SNRNP200: variants seen among roughly 807,000 people sequenced by gnomAD.
SNRNP200 encodes the protein small nuclear ribonucleoprotein U5 subunit 200.
In SNRNP200, 66 loss-of-function variants were observed where a neutral mutation model predicts 255.2. The observed-to-expected ratio is 0.26, with a 90% CI of 0.21 to 0.32. The LOEUF (loss-of-function observed/expected upper bound fraction) is 0.32. Ranked by LOEUF, SNRNP200 falls within the 10% of genes least tolerant of loss-of-function variation. The probability of loss-of-function intolerance (pLI) is 1.00; values close to 1 mark genes in which losing one functional copy is unlikely to be tolerated. For synonymous variants in SNRNP200, 939 were observed against 1,027.8 expected (o/e 0.91, Z 1.65); for missense variants, 1,585 against 2,749.8 (o/e 0.58, Z 9.47).
Position 96,293,415 on chromosome 2 carries a change from A to C in SNRNP200, c.1937T>G (p.Val646Gly). Residue 646 changes from valine (V) to glycine (G), a missense_variant, in exon 15 of 45, where the codon GTC (valine) becomes GGC (glycine). Transcript: ENST00000323853. Reference sequence around the variant, plus strand: ...GGTGGCACTGAGACCAATGAGTCGGACATCCTCTTGGGTCATCTCAATGTT... The same window carrying C: ...GGTGGCACTGAGACCAATGAGTCGGCCATCCTCTTGGGTCATCTCAATGTT... Reference protein sequence around the residue: ...IRNIEMTQEDVRLIGLSATLP... With the variant: ...IRNIEMTQEDGRLIGLSATLP... 1 of 1,613,790 alleles carries C rather than the reference A, an allele frequency of 6.2e-7. No individual in the cohort carries two copies. Among genetic ancestry groups the C allele is most frequent in the Non-Finnish European group, 8.5e-7 (1 of 1,179,952 alleles).
At chr2:96,281,790 A>G in intron 35 of SNRNP200, 24 bp downstream of exon 35, 1 of 1,515,164 alleles carries the variant, frequency 6.6e-7, no homozygotes, top group Non-Finnish European at 9.2e-7. Context: ...GTCTGTGCTA[A>G]CACAGAGCAC....
chr2:96,279,326 A>G, intron 36 of SNRNP200, 125 bp downstream of exon 36: 2 of 769,098 alleles, frequency 2.6e-6, no homozygotes, highest in Non-Finnish European at 4.5e-6. Context: ...GTCACAAAAG[A>G]ATTGTGTAAA....
chr2:96,281,195 C>A (rs1684755681), intron 35 of SNRNP200: 1 of 111,004 alleles, frequency 9.0e-6, no homozygotes, highest in African/African-American at 3.6e-5. Context: ...GAGTTGGAGT[C>A]TCACTCTGTT....
chr2:96,284,325 G>A, intron 31 of SNRNP200, 33 bp downstream of exon 31: 2 of 1,579,482 alleles, frequency 1.3e-6, no homozygotes, highest in Non-Finnish European at 8.7e-7. Context: ...GTCAGTCCCA[G>A]TCCCTCATCT....
At chr2:96,276,420 ATTTTTT>A in intron 43 of SNRNP200, 3 of 160,558 alleles carry the variant, frequency 1.9e-5, no homozygotes, top group Middle Eastern at 3.1e-3. Context: ...AGTCATCTAA[ATTTTTT>A]TTTTTTTTTT....
At chr2:96,295,446 G>T (rs1187085583) in intron 14 of SNRNP200, 42 bp downstream of exon 14, 16 of 1,610,418 alleles carry the variant, frequency 9.9e-6, no homozygotes, top group African/African-American at 2.7e-5. Context: ...AACCCGCCCT[G>T]ACACAACTGG....
intron 2 of SNRNP200, among the ~76,000 whole-genome samples, chr2:96,303,754 G>T (rs1452377623): frequency 6.6e-6 from 1 of 152,088 alleles, no homozygotes; most frequent in Non-Finnish European, 1.5e-5. Flanking sequence ...GCCGGGCACA[G>T]TGGCGAGCGC....
rs897469045 is a variant in SNRNP200 at position 96,287,592 on chromosome 2, C to A, written c.3366-35G>T. On this transcript the variant is annotated intron_variant, in intron 25 of 44. Transcript: ENST00000323853. This position sits in a 1 kb window ranked among gnomAD's most constrained non-coding sequence, Gnocchi z 5.7. ...AAGGAGGCAAAGCTGTTGGTCCCTT[C>A]TGCAGGGATGTGACAAACCACCCAC... 2 of 1,512,924 alleles carry A rather than the reference C, an allele frequency of 1.3e-6. No individual in the cohort carries two copies. The highest frequency in any genetic ancestry group is 3.3e-5 in the Admixed American group (2 of 59,878). The allele number at this position is 1,512,924 out of a possible 1,614,324, so 93.7% of individuals were successfully genotyped here.
chr2:96,297,197 G>C, intron 11 of SNRNP200, 127 bp from the exon 12 acceptor site: 2 of 1,513,736 alleles, frequency 1.3e-6, no homozygotes, highest in Non-Finnish European at 1.8e-6. Flanking sequence ...GGTCAGTCCA[G>C]AGATCAATAT....
chr2:96,278,930 G>T lies in SNRNP200; in HGVS notation c.5202C>A (p.Asp1734Glu). 6.2e-7 allele frequency: 1 copy of T among 1,614,042 alleles called. No homozygotes were observed. The highest frequency in any genetic ancestry group is 8.5e-7 in the Non-Finnish European group (1 of 1,179,926). Residue 1734 changes from aspartate (D) to glutamate (E), a missense_variant, in exon 37 of 45, where the codon GAC (aspartate) becomes GAA (glutamate). This residue lies in a region of SNRNP200 where 279 missense variants were observed against 551.2 expected (regional missense o/e 0.51). Coordinates refer to ENST00000323853, the MANE Select transcript of SNRNP200 (RefSeq NM_014014.5). The surrounding 1 kb of genome is among the most constrained non-coding windows in gnomAD (Gnocchi z 6.9). ...TGGTGACGATCTCAGCATTGAAGTG[G>T]TCATGCATACAGTGGTCCAGGTGAG... is the stretch of plus-strand genomic sequence containing the variant. ...VESHLDHCMH[D>E]HFNAEIVTKT...
Position 96,275,148 on chromosome 2 carries a change from A to G in SNRNP200, c.6275T>C (p.Leu2092Ser). 11 of 1,614,244 alleles carry G rather than the reference A, an allele frequency of 6.8e-6. No individual in the cohort carries two copies. Among genetic ancestry groups the G allele is most frequent in the Non-Finnish European group, 9.3e-6 (11 of 1,180,044 alleles). ...ACCAGTGGCTGGGGCCACAAAGTCCAACTTCACCTAGAAAGAGCAGGCAGA... is the reference window on the plus strand; with the variant it reads ...ACCAGTGGCTGGGGCCACAAAGTCCGACTTCACCTAGAAAGAGCAGGCAGA... The part of the protein sequence containing the change: ...LTLQQKAKVK[L>S]DFVAPATGAH... The change falls in exon 45 of 45, where the codon TTG (leucine) becomes TCG (serine). Residue 2092 changes from leucine (L) to serine (S), a missense_variant. Leu to Ser is a moderately radical substitution (Grantham distance 145). Transcript: ENST00000323853.
At chr2:96,284,615 C>T (rs1479552312) in intron 30 of SNRNP200, 30 bp from the exon 31 acceptor site, 2 of 1,470,558 alleles carry the variant, frequency 1.4e-6, no homozygotes, top group Admixed American at 1.7e-5. Context: ...GGCAGAACAA[C>T]ACTAGGCCAT....
chr2:96,294,307 G>A (rs1236772246), intron 14 of SNRNP200, among the ~76,000 whole-genome samples: 1 of 151,908 alleles, frequency 6.6e-6, no homozygotes, highest in African/African-American at 2.4e-5. Flanking sequence ...GCATGGTGGC[G>A]GGCAACTGTA....
At chr2:96,288,096 C>T in intron 24 of SNRNP200, 127 bp from the exon 25 acceptor site, 1 of 809,464 alleles carries the variant, frequency 1.2e-6, no homozygotes, top group Non-Finnish European at 2.1e-6. Flanking sequence ...AAGGCAAAGT[C>T]CCCTCTGTCT....
At position 96,287,441 on chromosome 2, in the gene SNRNP200, A is replaced by G. The variant is rs202181016; in HGVS notation, c.3482T>C (p.Ile1161Thr). The G allele has an allele frequency of 1.2e-5, 19 of 1,601,760 alleles. No individual in the cohort carries two copies. The highest frequency in any genetic ancestry group is 2.2e-5 in the South Asian group (2 of 90,842). Residue 1161 changes from isoleucine (I) to threonine (T), a missense_variant and splice_region_variant, in exon 26 of 45, where the codon ATT becomes ACT. This residue lies in a region of SNRNP200 where 719 missense variants were observed against 1,091.1 expected (regional missense o/e 0.66). Transcript: ENST00000323853. The surrounding 1 kb of genome is among the most constrained non-coding windows in gnomAD (Gnocchi z 5.7). ...AAGGGCGAGAGCATCCCACACACCA[A>G]TCTCATTATGATTCAGGTCGTACAG... ...ERLYDLNHNE[I>T]GELIRMPKMG...
At chr2:96,303,803 T>C (rs187833130) in intron 2 of SNRNP200, among the ~76,000 whole-genome samples, 52 of 150,160 alleles carry the variant, frequency 3.5e-4, no homozygotes, top group African/African-American at 1.3e-3. Context: ...GGCAGGAGAA[T>C]CGCTTGAACC....
At chr2:96,284,252 G>A in intron 31 of SNRNP200, 106 bp downstream of exon 31, 2 of 1,023,782 alleles carry the variant, frequency 2.0e-6, no homozygotes, top group East Asian at 2.5e-5. Flanking sequence ...AGAATCCTCT[G>A]GGGAGAAGCC....
chr2:96,301,195 A>T, intron 4 of SNRNP200, 142 bp from the exon 5 acceptor site: 1 of 775,172 alleles, frequency 1.3e-6, no homozygotes, highest in South Asian at 1.5e-5. Context: ...GATGATCAAC[A>T]TGAGAGAGCC....
At position 96,284,023 on chromosome 2, in the gene SNRNP200, G is replaced by C; in HGVS notation, c.4393-19C>G. The C allele has an allele frequency of 2.0e-6, 3 of 1,496,216 alleles. No homozygotes were observed. The highest frequency in any genetic ancestry group is 2.8e-6 in the Non-Finnish European group (3 of 1,090,302). 92.7% of individuals were successfully genotyped at this position (1,496,216 alleles called of 1,614,324 possible). On this transcript the variant is annotated intron_variant, in intron 31 of 44. Coordinates refer to ENST00000323853, the MANE Select transcript of SNRNP200 (RefSeq NM_014014.5). ...AGACAGGCTGGAAAGAGGGAGGGAG[G>C]GAGGGTCACTGCAGGCCAAGGCTCC...
Sources: gnomAD v4.1 joint callset for allele counts (sites outside exome capture counted in the v4.1 genomes callset) on GRCh38, gnomAD v4.1.1 for gene constraint, gnomAD v4.1.1 regional missense constraint, Gnocchi (gnomAD v3.1) non-coding constraint, MANE v1.5 for transcripts, NCBI Gene and HGNC (gene_info 2026-07-23, HGNC 2026-07-21) for gene names.